DCLK1: variants seen among roughly 807,000 people sequenced by gnomAD.
The protein encoded by DCLK1 is serine/threonine-protein kinase DCLK1.
DCLK1 carries 16 observed loss-of-function variants against 86.2 expected under a neutral mutation model. That is an observed-to-expected ratio of 0.19 (90% CI 0.13 to 0.28). The LOEUF (loss-of-function observed/expected upper bound fraction) is 0.28. Ranked by LOEUF, DCLK1 falls within the 10% of genes least tolerant of loss-of-function variation. The pLI is 1.00. For missense variants in DCLK1, 590 were observed against 940.2 expected, an observed-to-expected ratio of 0.63 and a Z score of 4.87; for synonymous variants, 369 against 370.5, an observed-to-expected ratio of 1.00 and a Z score of 0.05.
intron 3 of DCLK1, among the ~76,000 whole-genome samples, chr13:36,020,732 A>G (rs1248921811): frequency 1.4e-5 from 2 of 147,582 alleles, no homozygotes; most frequent in Non-Finnish European, 3.0e-5. Flanking sequence ...TAAGGTGCTG[A>G]AAGAAAAAAA....
chr13:35,814,545 G>A (rs2087226817), intron 11 of DCLK1, among the ~76,000 whole-genome samples: 2 of 152,178 alleles, frequency 1.3e-5, no homozygotes, highest in South Asian at 4.1e-4. Context: ...TGGAGCTGTG[G>A]TGTAAGAACT....
intron 3 of DCLK1, among the ~76,000 whole-genome samples, chr13:35,993,115 A>T (rs539258378): frequency 6.6e-6 from 1 of 152,242 alleles, no homozygotes; most frequent in African/African-American, 2.4e-5. Context: ...TCAGCCTCCT[A>T]CGCACTGTCA....
At chr13:35,815,925 G>A (rs1161783903) in intron 11 of DCLK1, among the ~76,000 whole-genome samples, 1 of 152,098 alleles carries the variant, frequency 6.6e-6, no homozygotes, top group Non-Finnish European at 1.5e-5. Flanking sequence ...TCAGAAGAGA[G>A]GTAATTAAAC....
At chr13:35,883,821 A>G (rs1159237002) in intron 4 of DCLK1, among the ~76,000 whole-genome samples, 1 of 152,184 alleles carries the variant, frequency 6.6e-6, no homozygotes, top group Non-Finnish European at 1.5e-5. Context: ...GCAGGTAGAC[A>G]TGCAATCCCA....
At position 35,836,078 on chromosome 13, in the gene DCLK1, G is replaced by T. The variant is rs761911329; in HGVS notation, c.1184C>A (p.Thr395Lys). 6.2e-7 allele frequency: 1 copy of T among 1,613,358 alleles called. No homozygotes were observed. Among genetic ancestry groups the T allele is most frequent in the South Asian group, 1.1e-5 (1 of 90,920 alleles). ...TITERYKVGRTIGDGNFAVVK... is the reference protein window; with the variant it reads ...TITERYKVGRKIGDGNFAVVK... ...AACAGCAAAATTTCCATCTCCTATTGTTCTTCCGACTTTATATCGTTCTGT... is the reference window on the plus strand; with the variant it reads ...AACAGCAAAATTTCCATCTCCTATTTTTCTTCCGACTTTATATCGTTCTGT... The change falls in exon 8 of 17, where the codon ACA becomes AAA. Residue 395 changes from threonine (T) to lysine (K), a missense_variant. Transcript: ENST00000360631.
chr13:36,015,888 C>T (rs1245826881), intron 3 of DCLK1, among the ~76,000 whole-genome samples: 1 of 152,196 alleles, frequency 6.6e-6, no homozygotes, highest in African/African-American at 2.4e-5. Context: ...AGACTGTCCT[C>T]ATGACCATAT....
At chr13:35,912,308 A>G (rs1242829485) in intron 4 of DCLK1, among the ~76,000 whole-genome samples, 2 of 152,068 alleles carry the variant, frequency 1.3e-5, no homozygotes, top group African/African-American at 4.8e-5. Flanking sequence ...CAAAATGAGA[A>G]CTTCTATTCC....
chr13:35,879,582 G>T (rs1183067511), intron 4 of DCLK1, among the ~76,000 whole-genome samples: 1 of 152,214 alleles, frequency 6.6e-6, no homozygotes, highest in Non-Finnish European at 1.5e-5. Context: ...AGCTCCGGGA[G>T]ATTGCTTGGT....
chr13:36,058,336 C>G (rs994202109), intron 3 of DCLK1, among the ~76,000 whole-genome samples: 1 of 152,114 alleles, frequency 6.6e-6, no homozygotes, highest in Non-Finnish European at 1.5e-5. Flanking sequence ...CCAGAGTAAC[C>G]AAGGGCTAGG....
intron 4 of DCLK1, among the ~76,000 whole-genome samples, chr13:35,904,781 G>A (rs1178366532): frequency 6.6e-6 from 1 of 152,192 alleles, no homozygotes; most frequent in African/African-American, 2.4e-5. Flanking sequence ...CTTTGCTCGG[G>A]CACGGACAGC....
chr13:36,105,252 G>T (rs1167646273), intron 3 of DCLK1, among the ~76,000 whole-genome samples: 1 of 150,934 alleles, frequency 6.6e-6, no homozygotes, highest in Non-Finnish European at 1.5e-5. Flanking sequence ...AGGAAAATAT[G>T]ATTAGTCATT....
rs181737737 is a variant in DCLK1 at position 35,935,783 on chromosome 13, C to T, written c.823+11575G>A. Among the ~76,000 whole-genome samples the T allele has an allele frequency of 2.1e-3, 325 of 152,280 alleles. 3 individuals carry two copies. In the Middle Eastern group the frequency reaches 0.031, roughly 14 times the overall value. On this transcript the variant is annotated intron_variant, in intron 4 of 16. Transcript: ENST00000360631. ...AAACAAAGACAAACTTGGATTTGACCTCTGCCTTTAATACTATCTGTGTGG... is the reference window on the plus strand; with the variant it reads ...AAACAAAGACAAACTTGGATTTGACTTCTGCCTTTAATACTATCTGTGTGG...
At chr13:35,883,367 T>C (rs763707222) in intron 4 of DCLK1, among the ~76,000 whole-genome samples, 11 of 152,036 alleles carry the variant, frequency 7.2e-5, no homozygotes, top group African/African-American at 2.7e-4. Context: ...TCCCAACATC[T>C]AGTTGTTAAA....
At chr13:35,788,434 A>G in intron 16 of DCLK1, 1 of 710,076 alleles carries the variant, frequency 1.4e-6, no homozygotes, top group Non-Finnish European at 2.4e-6. Context: ...CTAAGTCTGC[A>G]TACTGACAAC....
At chr13:35,985,178 A>T (rs1443774783) in intron 3 of DCLK1, among the ~76,000 whole-genome samples, 2 of 152,112 alleles carry the variant, frequency 1.3e-5, no homozygotes, top group Non-Finnish European at 2.9e-5. Context: ...CTACCAGCTC[A>T]CTTCCCTTCC....
At chr13:35,886,607 G>A (rs1288553383) in intron 4 of DCLK1, among the ~76,000 whole-genome samples, 2 of 152,198 alleles carry the variant, frequency 1.3e-5, no homozygotes, top group African/African-American at 4.8e-5. Context: ...AGTTTCTGGT[G>A]ACTCAGTTAT....
chr13:35,836,202 A>C (rs1461602632), intron 7 of DCLK1, 61 bp from the exon 8 acceptor site: 12 of 1,361,706 alleles, frequency 8.8e-6, no homozygotes, highest in Non-Finnish European at 1.2e-5. Context: ...TTGCACAAGG[A>C]AACATTTAAA....
chr13:35,893,404 C>G (rs1212247772), intron 4 of DCLK1, among the ~76,000 whole-genome samples: 1 of 152,210 alleles, frequency 6.6e-6, no homozygotes, highest in African/African-American at 2.4e-5. Flanking sequence ...ACAACTTTGA[C>G]AAAGTCATCA....
At chr13:36,099,257 C>T (rs771705804) in intron 3 of DCLK1, among the ~76,000 whole-genome samples, 2 of 152,118 alleles carry the variant, frequency 1.3e-5, no homozygotes, top group Non-Finnish European at 2.9e-5. Flanking sequence ...CATGAGCCAC[C>T]GCGCCCAGCA....
Sources: gnomAD v4.1 joint callset for allele counts (sites outside exome capture counted in the v4.1 genomes callset) on GRCh38, gnomAD v4.1.1 for gene constraint, MANE v1.5 for transcripts, NCBI Gene and HGNC (gene_info 2026-07-23, HGNC 2026-07-21) for gene names.